The following JCAD variants were observed in gnomAD, a reference collection of about 807,000 sequenced individuals.
JCAD encodes the protein junctional cadherin 5-associated protein.
JCAD carries 40 observed loss-of-function variants against 98.0 expected under a neutral mutation model. That is an observed-to-expected ratio of 0.41 (90% CI 0.32 to 0.53). JCAD has a LOEUF of 0.53. Among genes scored for constraint, JCAD ranks in the 20% least tolerant of loss-of-function variants. The pLI, the probability that JCAD is intolerant of heterozygous loss-of-function variation, is 0.31. For missense variants in JCAD, 1,705 were observed against 1,738.1 expected (o/e 0.98, Z 0.34); for synonymous variants, 691 against 682.3 (o/e 1.01, Z -0.20).
At chr10:30,066,723 G>C (rs1432003211) in intron 2 of JCAD, among the ~76,000 whole-genome samples, 1 of 151,172 alleles carries the variant, frequency 6.6e-6, no homozygotes, top group Non-Finnish European at 1.5e-5. Flanking sequence ...AACCCCATAT[G>C]ACTTTTTGTT....
upstream of JCAD, among the ~76,000 whole-genome samples, chr10:30,063,569 C>T (rs1006398823): frequency 5.3e-5 from 8 of 152,078 alleles, no homozygotes; most frequent in South Asian, 4.1e-4. Context: ...TCTGTAAAGA[C>T]ACTACCAGTT....
chr10:30,047,540 C>T lies in JCAD; in HGVS notation c.273G>A (p.Ser91=), dbSNP rs368195303. The T allele has an allele frequency of 1.9e-5, 30 of 1,611,574 alleles. No individual in the cohort carries two copies. Among genetic ancestry groups the T allele is most frequent in the Middle Eastern group, 3.4e-4 (2 of 5,916 alleles). Residue 91 remains serine (S), a synonymous_variant, in exon 2 of 4, where the codon TCG becomes TCA. Coordinates refer to ENST00000375377, the MANE Select transcript of JCAD (RefSeq NM_020848.4). ...TTCACAGTGAAACTTACCCCGCCTC[C>T]GAGGTTCTGGAAGCAGAAGTGCTCT... ...EPQSTSASRT[S]EAGFCNQPPS...
chr10:30,072,206 G>C (rs2132672476), intron 1 of JCAD, among the ~76,000 whole-genome samples: 1 of 151,926 alleles, frequency 6.6e-6, no homozygotes, highest in Non-Finnish European at 1.5e-5. Flanking sequence ...TAAATTAGAG[G>C]CATGTAAATT....
At chr10:30,090,875 C>T (rs1209506098) in intron 1 of JCAD, among the ~76,000 whole-genome samples, 2 of 152,136 alleles carry the variant, frequency 1.3e-5, no homozygotes, top group African/African-American at 4.8e-5. Flanking sequence ...GAGCCAAACC[C>T]CACGGCAGGA....
chr10:30,110,959 C>T (rs1218465856), intron 1 of JCAD, among the ~76,000 whole-genome samples: 1 of 151,536 alleles, frequency 6.6e-6, no homozygotes, highest in Non-Finnish European at 1.5e-5. Flanking sequence ...GTATGGACCC[C>T]CTGATGTATG....
intron 1 of JCAD, among the ~76,000 whole-genome samples, chr10:30,054,296 A>G (rs1232028166): frequency 6.6e-6 from 1 of 152,110 alleles, no homozygotes; most frequent in Non-Finnish European, 1.5e-5. Context: ...GAGGTGATGG[A>G]CTCTGAGTTT....
chr10:30,107,206 G>T (rs79378878), intron 1 of JCAD, among the ~76,000 whole-genome samples: 1,573 of 152,296 alleles, frequency 0.01, 22 homozygotes, highest in Middle Eastern at 0.051. Flanking sequence ...TGCATTTCCA[G>T]TAGGTTAGGC....
chr10:30,059,710 G>A (rs1485006552), upstream of JCAD, among the ~76,000 whole-genome samples: 3 of 151,352 alleles, frequency 2.0e-5, no homozygotes, highest in East Asian at 5.8e-4. This position sits in a 1 kb window ranked among gnomAD's most constrained non-coding sequence, Gnocchi z 5.0. Context: ...GTCCGCCTGC[G>A]TGGGTCGCGC....
rs189645220 is a variant in JCAD at position 30,074,425 on chromosome 10, A to G, written n.129-4604T>C. 1.7e-3 allele frequency among the ~76,000 whole-genome samples: 261 copies of G among 152,306 alleles called. 1 individual carries two copies. Among genetic ancestry groups the G allele is most frequent in the Non-Finnish European group, 1.4e-3 (96 of 68,030 alleles). ...CTGGCTTCCATATGTTCCCAAGCTGATAATATCCCCCTCACAGATCGGGGG... is the reference window on the plus strand; with the variant it reads ...CTGGCTTCCATATGTTCCCAAGCTGGTAATATCCCCCTCACAGATCGGGGG... On this transcript the variant is annotated intron_variant and non_coding_transcript_variant, in intron 1 of 2. Transcript: ENST00000465712.
At chr10:30,030,595 G>C (rs1299366491) in intron 2 of JCAD, among the ~76,000 whole-genome samples, 1 of 152,134 alleles carries the variant, frequency 6.6e-6, no homozygotes, top group African/African-American at 2.4e-5. Flanking sequence ...TAAAAACACT[G>C]TTTTTAAGCA....
At position 30,028,506 on chromosome 10, in the gene JCAD, C is replaced by T; in HGVS notation, c.1642G>A (p.Gly548Ser). 6.2e-7 allele frequency: 1 copy of T among 1,614,196 alleles called. No individual in the cohort carries two copies. Among genetic ancestry groups the T allele is most frequent in the Non-Finnish European group, 8.5e-7 (1 of 1,180,044 alleles). The change falls in exon 3 of 4, where the codon GGC becomes AGC. Residue 548 changes from glycine (G) to serine (S), a missense_variant. Around this residue, in one of 3 missense-constraint regions of JCAD, gnomAD observed 1,278 missense variants for 1,243.1 expected, o/e 1.03. Coordinates refer to ENST00000375377, the MANE Select transcript of JCAD (RefSeq NM_020848.4). Reference sequence around the variant, plus strand: ...GTTTGAGTTTCGCAGGTGCTCTCGCCCTGTGAGTAAGGGGAGGAAACTTGT... The same window carrying T: ...GTTTGAGTTTCGCAGGTGCTCTCGCTCTGTGAGTAAGGGGAGGAAACTTGT... ...GRQVSSPYSQ[G>S]ESTCETQTKL...
At chr10:30,058,475 C>T (rs1837626835) in intron 1 of JCAD, among the ~76,000 whole-genome samples, 1 of 152,198 alleles carries the variant, frequency 6.6e-6, no homozygotes, top group African/African-American at 2.4e-5. Flanking sequence ...CCAGGGCATG[C>T]CCAGGTAGCG....
intron 1 of JCAD, among the ~76,000 whole-genome samples, chr10:30,070,958 T>G (rs1201884605): frequency 6.6e-6 from 1 of 152,252 alleles, no homozygotes; most frequent in Non-Finnish European, 1.5e-5. Context: ...CAGGTTGAAG[T>G]GCAGTGGTGT....
At chr10:30,112,858 C>T (rs1414964636) in intron 1 of JCAD, among the ~76,000 whole-genome samples, 7 of 134,178 alleles carry the variant, frequency 5.2e-5, no homozygotes, top group African/African-American at 2.0e-4. Flanking sequence ...GGCAAAAGAG[C>T]GAGACTCCAT....
At chr10:30,031,981 C>G (rs1837011710) in intron 2 of JCAD, among the ~76,000 whole-genome samples, 1 of 146,830 alleles carries the variant, frequency 6.8e-6, no homozygotes, top group Non-Finnish European at 1.5e-5. Context: ...GTCTCGATCT[C>G]CTGACCTCGT....
At chr10:30,075,748 G>A (rs746726633) in intron 1 of JCAD, among the ~76,000 whole-genome samples, 1 of 152,204 alleles carries the variant, frequency 6.6e-6, no homozygotes, top group Non-Finnish European at 1.5e-5. Flanking sequence ...ATGTGAGCAG[G>A]AAGGGGAAAA....
At chr10:30,110,942 G>T (rs1224722160) in intron 1 of JCAD, among the ~76,000 whole-genome samples, 3 of 150,124 alleles carry the variant, frequency 2.0e-5, no homozygotes, top group East Asian at 2.0e-4. Context: ...TATATGGACT[G>T]GTTGATGTAT....
At chr10:30,114,525 T>G (rs1367655217) in intron 1 of JCAD, among the ~76,000 whole-genome samples, 1 of 149,436 alleles carries the variant, frequency 6.7e-6, no homozygotes, top group Non-Finnish European at 1.5e-5. Flanking sequence ...ATGAGATATA[T>G]TGAAAGCTTT....
intron 1 of JCAD, among the ~76,000 whole-genome samples, chr10:30,100,625 C>T (rs1291942811): frequency 6.6e-6 from 1 of 152,202 alleles, no homozygotes; most frequent in Non-Finnish European, 1.5e-5. Flanking sequence ...CTCAGGTGAT[C>T]TGCCCACCTC....
Sources: allele counts gnomAD v4.1 joint callset (sites outside exome capture counted in the v4.1 genomes callset), GRCh38; gene constraint gnomAD v4.1.1; regional missense constraint gnomAD v4.1.1; non-coding constraint Gnocchi (gnomAD v3.1); transcripts MANE v1.5; gene names NCBI Gene and HGNC (gene_info 2026-07-23, HGNC 2026-07-21).